The following MKLN1 variants were observed in gnomAD, a reference collection of about 807,000 sequenced individuals.
MKLN1 encodes muskelin.
A neutral mutation model predicts 99.0 loss-of-function variants in MKLN1; 18 were observed. The ratio of observed to expected loss-of-function variants is 0.18; its 90% confidence interval spans 0.13 to 0.27. The LOEUF is 0.27. MKLN1 is among the 10% of genes least tolerant of loss of function. The pLI, the probability that MKLN1 is intolerant of heterozygous loss-of-function variation, is 1.00. For synonymous variants in MKLN1, 288 were observed against 293.2 expected (o/e 0.98, Z 0.18); for missense variants, 621 against 875.9 (o/e 0.71, Z 3.67).
At chr7:131,379,282 C>CT (rs770016388) in intron 2 of MKLN1, among the ~76,000 whole-genome samples, 12 of 152,134 alleles carry the variant, frequency 7.9e-5, no homozygotes, top group Admixed American at 2.6e-4. Flanking sequence ...TCAAAGATAA[C>CT]TAAGTATATA....
In MKLN1 at chr7:131,399,218, ATACT is replaced by A; in HGVS notation, c.511-18_511-15del. 6.2e-7 allele frequency: 1 copy of A among 1,603,586 alleles called. No homozygotes were observed. The highest frequency in any genetic ancestry group is 1.1e-5 in the South Asian group (1 of 90,618). On this transcript the variant is annotated intron_variant, in intron 5 of 17. Coordinates refer to ENST00000352689, the MANE Select transcript of MKLN1 (RefSeq NM_013255.5). Reference sequence around the variant, plus strand: ...TCATCTAACCAAATCTCTTCTTTCCATACTTACTCTGTGTTCTAGTAGTACCGTG... The same window carrying A: ...TCATCTAACCAAATCTCTTCTTTCCATACTCTGTGTTCTAGTAGTACCGTG...
intron 2 of MKLN1, among the ~76,000 whole-genome samples, chr7:131,174,986 G>GATAC (rs925998019): frequency 6.6e-6 from 1 of 151,654 alleles, no homozygotes; most frequent in African/African-American, 2.4e-5. Flanking sequence ...TAGATAGATA[G>GATAC]ATAGATAGAT....
At chr7:131,133,729 C>T (rs1219301898) in intron 1 of MKLN1, among the ~76,000 whole-genome samples, 3 of 150,588 alleles carry the variant, frequency 2.0e-5, no homozygotes, top group African/African-American at 7.3e-5. Flanking sequence ...TCCAGTGATC[C>T]TCTTGCCTCA....
At chr7:131,191,021 G>A (rs1298433136) in intron 2 of MKLN1, among the ~76,000 whole-genome samples, 4 of 152,162 alleles carry the variant, frequency 2.6e-5, no homozygotes, top group African/African-American at 7.2e-5. Context: ...CCCAGGTGAC[G>A]CTGATGCTGC....
chr7:131,125,108 T>C (rs1227153178), intron 1 of MKLN1, among the ~76,000 whole-genome samples: 1 of 152,230 alleles, frequency 6.6e-6, no homozygotes, highest in Non-Finnish European at 1.5e-5. Flanking sequence ...GATCCTGTTA[T>C]GGCAACATCA....
intron 9 of MKLN1, 109 bp downstream of exon 9, chr7:131,429,254 A>G (rs1412661990): frequency 6.0e-6 from 4 of 669,114 alleles, no homozygotes; most frequent in African/African-American, 3.7e-5. Context: ...AGTAGTAGCA[A>G]TAGAATTTGT....
At chr7:131,342,298 C>T (rs1045046588) in intron 1 of MKLN1, among the ~76,000 whole-genome samples, 2 of 152,106 alleles carry the variant, frequency 1.3e-5, no homozygotes, top group Admixed American at 1.3e-4. Flanking sequence ...TTTTCTGTGA[C>T]AGTTTAGCTA....
At position 131,492,069 on chromosome 7, in the gene MKLN1, G is replaced by GTGGCAGCTTTAATGGAGAAACCTGTGT. The variant is rs1797437598; in HGVS notation, c.*4346_*4372dup. Reference sequence around the variant, plus strand: ...TCATTTGGGGATAGTAATAATGGCTGTGGCAGCTTTAATGGAGAAACCTGT... The same window carrying GTGGCAGCTTTAATGGAGAAACCTGTGT: ...TCATTTGGGGATAGTAATAATGGCTGTGGCAGCTTTAATGGAGAAACCTGTGTTGGCAGCTTTAATGGAGAAACCTGT... On this transcript the variant is annotated 3_prime_UTR_variant, in exon 18 of 18. Coordinates refer to ENST00000352689, the MANE Select transcript of MKLN1 (RefSeq NM_013255.5). 1 of 152,198 alleles carries GTGGCAGCTTTAATGGAGAAACCTGTGT rather than the reference G, an allele frequency of 6.6e-6. No individual in the cohort carries two copies. The highest frequency in any genetic ancestry group is 1.9e-4 in the East Asian group (1 of 5,196). 9.4% of individuals were successfully genotyped at this position (152,198 alleles called of 1,614,324 possible). A position where few individuals can be genotyped will look rare whatever the true frequency, so the allele number is the denominator to read the frequency against.
At chr7:131,240,467 AT>A (rs1409223699) in intron 3 of MKLN1, among the ~76,000 whole-genome samples, 5 of 151,674 alleles carry the variant, frequency 3.3e-5, no homozygotes, top group African/African-American at 4.9e-5. Context: ...ACGTTTAAAA[AT>A]TTTTTCTCCT....
intron 10 of MKLN1, among the ~76,000 whole-genome samples, chr7:131,440,239 T>C (rs573755346): frequency 6.6e-6 from 1 of 152,326 alleles, no homozygotes; most frequent in African/African-American, 2.4e-5. Context: ...GTGGGAATGA[T>C]GGCTCCTTTT....
intron 2 of MKLN1, among the ~76,000 whole-genome samples, chr7:131,383,608 T>C (rs530242441): frequency 6.6e-6 from 1 of 152,356 alleles, no homozygotes; most frequent in African/African-American, 2.4e-5. Context: ...TACATAGATA[T>C]AAAATCTGGA....
At chr7:131,386,040 G>T in intron 2 of MKLN1, among the ~76,000 whole-genome samples, 1 of 142,064 alleles carries the variant, frequency 7.0e-6, no homozygotes. Context: ...TTGAGCTAGA[G>T]TCTTACTCTG....
chr7:131,324,331 C>T (rs1337892545), upstream of MKLN1: 2 of 152,258 alleles, frequency 1.3e-5, no homozygotes, highest in Admixed American at 6.5e-5. Context: ...GAAGAGAGTT[C>T]ACACTGGTAC....
At position 131,443,514 on chromosome 7, in the gene MKLN1, A is replaced by G. The variant is rs1414331313; in HGVS notation, c.1207A>G (p.Thr403Ala). The change falls in exon 11 of 18, where the codon ACT (threonine) becomes GCT (alanine). Residue 403 changes from threonine to alanine, a missense_variant. Around this residue, in one of 8 missense-constraint regions of MKLN1, gnomAD observed 361 missense variants for 540.8 expected, o/e 0.67. Transcript: ENST00000352689. ...CMDSEKHMIYTFGGRILTCNG... is the reference protein window; with the variant it reads ...CMDSEKHMIYAFGGRILTCNG... Reference sequence around the variant, plus strand: ...GGACTCAGAAAAACATATGATCTACACTTTTGGTGGTAGAATTTTGACTTG... The same window carrying G: ...GGACTCAGAAAAACATATGATCTACGCTTTTGGTGGTAGAATTTTGACTTG... The G allele has an allele frequency of 6.2e-7, 1 of 1,613,626 alleles. No individual in the cohort carries two copies. Among genetic ancestry groups the G allele is most frequent in the Non-Finnish European group, 8.5e-7 (1 of 1,179,678 alleles).
intron 1 of MKLN1, among the ~76,000 whole-genome samples, chr7:131,337,170 A>G (rs1253520784): frequency 6.6e-6 from 1 of 152,062 alleles, no homozygotes; most frequent in Non-Finnish European, 1.5e-5. Flanking sequence ...CTTTAAGTTT[A>G]AACAGCTTTC....
At chr7:131,169,243 T>C (rs748157661) in intron 2 of MKLN1, among the ~76,000 whole-genome samples, 9 of 152,150 alleles carry the variant, frequency 5.9e-5, no homozygotes, top group Non-Finnish European at 1.2e-4. Flanking sequence ...CAAACACACA[T>C]CAATTATTAA....
intron 3 of MKLN1, among the ~76,000 whole-genome samples, chr7:131,223,997 C>A (rs920487994): frequency 6.6e-6 from 1 of 152,060 alleles, no homozygotes; most frequent in African/African-American, 2.4e-5. Flanking sequence ...AACTCCTGAC[C>A]TCGTGATCTG....
chr7:131,123,023 A>AG (rs386411317), intron 1 of MKLN1, among the ~76,000 whole-genome samples: 2 of 9,986 alleles, frequency 2.0e-4, no homozygotes, highest in Non-Finnish European at 6.1e-4. Context: ...ACTCCGTCTC[A>AG]AAAAAAAAAA....
At chr7:131,462,983 G>C (rs1796559751) in intron 12 of MKLN1, among the ~76,000 whole-genome samples, 1 of 152,066 alleles carries the variant, frequency 6.6e-6, no homozygotes, top group Non-Finnish European at 1.5e-5. Flanking sequence ...TTAGCTGAGT[G>C]TGGTGGTGCA....
Sources: gnomAD v4.1 joint callset for allele counts (sites outside exome capture counted in the v4.1 genomes callset) on GRCh38, gnomAD v4.1.1 for gene constraint, gnomAD v4.1.1 regional missense constraint, MANE v1.5 for transcripts, NCBI Gene and HGNC (gene_info 2026-07-23, HGNC 2026-07-21) for gene names.